Variants in TPD52 observed in about 807,000 individuals in gnomAD.
TPD52 encodes prostate and colon associated protein.
A neutral mutation model predicts 31.3 loss-of-function variants in TPD52; 17 were observed. The observed-to-expected ratio is 0.54, with a 90% CI of 0.37 to 0.82. The LOEUF (loss-of-function observed/expected upper bound fraction) is 0.82, where lower values mean the gene tolerates loss of function less well. TPD52 is among the 40% of genes least tolerant of loss of function. The pLI, the probability that TPD52 is intolerant of heterozygous loss-of-function variation, is 0.00. For missense variants in TPD52, 212 were observed against 240.1 expected (o/e 0.88, Z 0.77); for synonymous variants, 83 against 89.6 (o/e 0.93, Z 0.42).
Position 80,171,530 on chromosome 8 carries a change from T to G in TPD52, c.-87A>C, listed in dbSNP as rs976102348. ...GATCGCCCGCCGCGCCGCGCAGAGC[T>G]CCTCCTCGCCTCCGCCGGCGACTCC... On this transcript the variant is annotated 5_prime_UTR_variant, in exon 1 of 8. Transcript: ENST00000518937. 6.9e-7 allele frequency: 1 copy of G among 1,441,786 alleles called. No individual in the cohort carries two copies. Among genetic ancestry groups the G allele is most frequent in the Non-Finnish European group, 9.0e-7 (1 of 1,106,492 alleles). The allele number at this position is 1,441,786 out of a possible 1,614,324, so 89.3% of individuals were successfully genotyped here.
At chr8:80,098,857 C>T (rs1024520197) in intron 1 of TPD52, among the ~76,000 whole-genome samples, 2 of 152,164 alleles carry the variant, frequency 1.3e-5, no homozygotes, top group Non-Finnish European at 2.9e-5. Flanking sequence ...TCAATTGCCA[C>T]GGCCAGCTCA....
At chr8:80,156,483 G>C (rs1244069873) in intron 1 of TPD52, among the ~76,000 whole-genome samples, 2 of 152,188 alleles carry the variant, frequency 1.3e-5, no homozygotes, top group East Asian at 3.9e-4. Context: ...ATCAACGAAT[G>C]TGTGAACATG....
chr8:80,093,003 A>C (rs927984212), intron 1 of TPD52, among the ~76,000 whole-genome samples: 9 of 152,186 alleles, frequency 5.9e-5, no homozygotes, highest in Admixed American at 1.3e-4. Flanking sequence ...CAATTAAAAA[A>C]TATAAAAACT....
intron 1 of TPD52, among the ~76,000 whole-genome samples, chr8:80,101,760 T>C (rs1374380994): frequency 2.0e-5 from 3 of 152,006 alleles, no homozygotes; most frequent in Non-Finnish European, 4.4e-5. Flanking sequence ...AACTTGATCA[T>C]TACCAAGGGG....
rs985226049 is a variant in TPD52, at chr8:80,095,361, AG to A, written c.20-30769del. ...AAAGATCAATGGTTACCAAGGGCTG[AG>A]GGGGAGGCAAGCAGGAATGACTAGG... is the stretch of plus-strand genomic sequence containing the variant. On this transcript the variant is annotated intron_variant, in intron 1 of 7. Transcript: ENST00000518937. Among the ~76,000 whole-genome samples, 15 of 152,148 alleles carry A rather than the reference AG, an allele frequency of 9.9e-5. 1 individual carries two copies. The highest frequency in any genetic ancestry group is 4.4e-5 in the Non-Finnish European group (3 of 68,022).
intron 1 of TPD52, among the ~76,000 whole-genome samples, chr8:80,137,117 T>C (rs1365189): frequency 0.62 from 93,694 of 152,112 alleles, 29,666 homozygotes; most frequent in East Asian, 0.79. Context: ...CATGTTTGTA[T>C]TTTTCCAAAA....
rs58875502 is a variant in TPD52, at chr8:80,044,590, C to CACACACATACACACAT, written c.414-398_414-383dup. 5.5e-3 allele frequency among the ~76,000 whole-genome samples: 828 copies of CACACACATACACACAT among 151,546 alleles called. 7 individuals carry two copies. Among genetic ancestry groups the CACACACATACACACAT allele is most frequent in the African/African-American group, 0.019 (787 of 40,922 alleles). On this transcript the variant is annotated intron_variant, in intron 5 of 7. Transcript: ENST00000518937. Reference sequence around the variant, plus strand: ...TCCCCTCAAAAATGAAGCATGCACACACACACATACACACATACACACACA... The same window carrying CACACACATACACACAT: ...TCCCCTCAAAAATGAAGCATGCACACACACACATACACACATACACACATACACACATACACACACA...
At chr8:80,050,419 G>T in intron 5 of TPD52, 26 bp downstream of exon 5, 1 of 1,601,726 alleles carries the variant, frequency 6.2e-7, no homozygotes. Flanking sequence ...CTGCTGGACT[G>T]CAGTGATGGT....
chr8:80,119,831 G>A (rs1480930635), intron 1 of TPD52: 1 of 416,684 alleles, frequency 2.4e-6, no homozygotes, highest in Admixed American at 3.0e-5. Flanking sequence ...TATGAGTGGA[G>A]AAAAGATAAA....
intron 1 of TPD52, among the ~76,000 whole-genome samples, chr8:80,082,577 G>A (rs1306125318): frequency 6.6e-6 from 1 of 152,148 alleles, no homozygotes; most frequent in Admixed American, 6.5e-5. Context: ...CATGTGACAC[G>A]CTCTACCTGA....
At chr8:80,079,075 G>A (rs975548840) in intron 1 of TPD52, among the ~76,000 whole-genome samples, 7 of 152,152 alleles carry the variant, frequency 4.6e-5, no homozygotes, top group African/African-American at 1.7e-4. Context: ...CAAGTCACTT[G>A]AGTTTCAGTC....
In TPD52 at chr8:80,064,625, G is replaced by A. The variant is rs769637170; in HGVS notation, c.20-32C>T. The A allele has an allele frequency of 6.5e-6, 10 of 1,539,390 alleles. No homozygotes were observed. In the South Asian group the frequency reaches 7.8e-5, roughly 12 times the overall value. On this transcript the variant is annotated intron_variant, in intron 1 of 7. Coordinates refer to ENST00000518937, the MANE Select transcript of TPD52 (RefSeq NM_001025253.3). ...GGGGATTTAAACCATTTTTTAAAGT[G>A]CAAAATCTAAGTAAAATCCCTATTT...
intron 1 of TPD52, among the ~76,000 whole-genome samples, chr8:80,117,670 G>C (rs1242795833): frequency 2.6e-5 from 4 of 151,390 alleles, no homozygotes; most frequent in Non-Finnish European, 5.9e-5. Context: ...CGGACCCAGA[G>C]TAGCCAAAAC....
intron 1 of TPD52, among the ~76,000 whole-genome samples, chr8:80,167,732 A>T (rs1259385393): frequency 6.6e-6 from 1 of 152,202 alleles, no homozygotes; most frequent in Non-Finnish European, 1.5e-5. Context: ...GTGACATATT[A>T]TTGTGTTATT....
At chr8:80,052,222 A>G (rs1811450731) in intron 3 of TPD52, among the ~76,000 whole-genome samples, 1 of 152,256 alleles carries the variant, frequency 6.6e-6, no homozygotes. Flanking sequence ...AAATTATTCT[A>G]GTGTGGTATC....
chr8:80,084,952 G>A (rs974236691), intron 1 of TPD52, among the ~76,000 whole-genome samples: 1 of 152,086 alleles, frequency 6.6e-6, no homozygotes, highest in Non-Finnish European at 1.5e-5. Context: ...TTATTTAAAT[G>A]CTAAAAAGAA....
At chr8:80,151,900 C>T (rs1000681932) in intron 1 of TPD52, among the ~76,000 whole-genome samples, 1 of 152,182 alleles carries the variant, frequency 6.6e-6, no homozygotes, top group African/African-American at 2.4e-5. Flanking sequence ...TTTAGTAATA[C>T]ATCCATTGCT....
rs374983070 is a variant in TPD52, at chr8:80,063,261, C to T, written c.135+1217G>A. Reference sequence around the variant, plus strand: ...AGATATGTGCTACACCATGAATCAACCTCAAAAACATGAAGGGAAAGAACC... The same window carrying T: ...AGATATGTGCTACACCATGAATCAATCTCAAAAACATGAAGGGAAAGAACC... On this transcript the variant is annotated intron_variant, in intron 2 of 7. Transcript: ENST00000518937. Among the ~76,000 whole-genome samples, 9 of 152,142 alleles carry T rather than the reference C, an allele frequency of 5.9e-5. No individual in the cohort carries two copies. The East Asian group carries it at 1.7e-3, about 29-fold the overall frequency.
chr8:80,168,144 T>C (rs1811840171), intron 1 of TPD52, among the ~76,000 whole-genome samples: 1 of 152,232 alleles, frequency 6.6e-6, no homozygotes, highest in African/African-American at 2.4e-5. Flanking sequence ...AAGCAGAGTA[T>C]TGTATTCAAG....
Sources: gnomAD v4.1 joint callset for allele counts (sites outside exome capture counted in the v4.1 genomes callset) on GRCh38, gnomAD v4.1.1 for gene constraint, MANE v1.5 for transcripts, NCBI Gene and HGNC (gene_info 2026-07-23, HGNC 2026-07-21) for gene names.